The following GRIK4 variants were observed in gnomAD, a reference collection of about 807,000 sequenced individuals.
The protein encoded by GRIK4 is glutamate receptor ionotropic, kainate 4.
Under a neutral mutation model 104.9 loss-of-function variants are expected in GRIK4, and 40 were observed. The ratio of observed to expected loss-of-function variants is 0.38; its 90% CI spans 0.30 to 0.50. The LOEUF is 0.50. GRIK4 is among the 20% of genes least tolerant of loss of function. The pLI is 0.93. For missense variants in GRIK4, 1,047 were observed against 1,308.1 expected, an observed-to-expected ratio of 0.80 and a Z score of 3.08; for synonymous variants, 485 against 524.9, an observed-to-expected ratio of 0.92 and a Z score of 1.04.
At chr11:120,675,624 G>T (rs941430771) in intron 3 of GRIK4, among the ~76,000 whole-genome samples, 1 of 152,118 alleles carries the variant, frequency 6.6e-6, no homozygotes, top group Admixed American at 6.5e-5. Flanking sequence ...GCATCATAGG[G>T]TAGTGAGACA....
At chr11:120,823,464 C>G (rs565749280) in intron 6 of GRIK4, among the ~76,000 whole-genome samples, 1 of 152,222 alleles carries the variant, frequency 6.6e-6, no homozygotes, top group South Asian at 2.1e-4. Context: ...CCCTCCTCCC[C>G]GGTCATTCCA....
At chr11:120,873,944 C>G (rs1954687722) in intron 9 of GRIK4, 122 bp from the exon 10 acceptor site, 1 of 891,992 alleles carries the variant, frequency 1.1e-6, no homozygotes. Flanking sequence ...AAGATGCACT[C>G]TTATTTCCCT....
chr11:120,885,145 T>G (rs1955081328), intron 11 of GRIK4, among the ~76,000 whole-genome samples: 1 of 152,274 alleles, frequency 6.6e-6, no homozygotes, highest in Non-Finnish European at 1.5e-5. Flanking sequence ...CCAGCATGCC[T>G]GAGCTCTCTG....
In GRIK4 at chr11:120,986,317, C is replaced by CGGGAGGGGAG; in HGVS notation, c.*60_*61insAGGGGAGGGG. On this transcript the variant is annotated 3_prime_UTR_variant, in exon 21 of 21. Transcript: ENST00000527524. ...GCGGGGCGGGAGGGGAGGGGCGGGG[C>CGGGAGGGGAG]GGGCGCTGCTGTCAGCCGCCAGCCG... 8.7e-7 allele frequency: 1 copy of CGGGAGGGGAG among 1,143,120 alleles called. No individual in the cohort carries two copies. Among genetic ancestry groups the CGGGAGGGGAG allele is most frequent in the African/African-American group, 1.7e-5 (1 of 60,084 alleles). 70.8% of individuals were successfully genotyped at this position (1,143,120 alleles called of 1,614,324 possible).
At chr11:120,516,818 C>T (rs943223668) in intron 1 of GRIK4, among the ~76,000 whole-genome samples, 4 of 152,080 alleles carry the variant, frequency 2.6e-5, no homozygotes, top group South Asian at 2.1e-4. Context: ...GTAGGGAAGC[C>T]GGAGGGGGAA....
intron 3 of GRIK4, among the ~76,000 whole-genome samples, chr11:120,742,000 G>A (rs745884078): frequency 1.3e-5 from 2 of 152,108 alleles, no homozygotes; most frequent in African/African-American, 2.4e-5. Flanking sequence ...TTTGGAGACT[G>A]GGCTCACATC....
intron 1 of GRIK4, among the ~76,000 whole-genome samples, chr11:120,626,223 C>T (rs1171552526): frequency 1.3e-5 from 2 of 152,146 alleles, no homozygotes; most frequent in Admixed American, 1.3e-4. Context: ...GTCAGCAGCC[C>T]AGGGGAGGGG....
chr11:120,833,920 A>C (rs1190346364), intron 7 of GRIK4, among the ~76,000 whole-genome samples: 1 of 152,236 alleles, frequency 6.6e-6, no homozygotes, highest in Non-Finnish European at 1.5e-5. Flanking sequence ...GAAATATTTT[A>C]ATGGCTGCCT....
In GRIK4 at chr11:120,549,902, C is replaced by A. The variant is rs74418293; in HGVS notation, c.-159+38015C>A. On this transcript the variant is annotated intron_variant, in intron 1 of 20. Transcript: ENST00000527524. This position sits in a 1 kb window ranked among gnomAD's most constrained non-coding sequence, Gnocchi z 4.7. Reference sequence around the variant, plus strand: ...AGATGTGAACCTGCGAGGTAGACGGCAGCCTCAGCCATTTTGCTATCAATA... The same window carrying A: ...AGATGTGAACCTGCGAGGTAGACGGAAGCCTCAGCCATTTTGCTATCAATA... 0.012 allele frequency among the ~76,000 whole-genome samples: 1,795 copies of A among 152,326 alleles called. 30 individuals carry two copies. Among genetic ancestry groups the A allele is most frequent in the East Asian group, 0.067 (348 of 5,176 alleles).
intron 6 of GRIK4, among the ~76,000 whole-genome samples, chr11:120,828,548 G>T (rs1345589247): frequency 6.6e-6 from 1 of 152,148 alleles, no homozygotes; most frequent in Non-Finnish European, 1.5e-5. Flanking sequence ...CCACAGAAAA[G>T]GAAACTGAGG....
intron 13 of GRIK4, among the ~76,000 whole-genome samples, chr11:120,921,708 A>G (rs9666074): frequency 0.028 from 4,280 of 152,172 alleles, 226 homozygotes; most frequent in African/African-American, 0.097. Context: ...GAGAAAGAAG[A>G]ATTTAAGCAT....
intron 1 of GRIK4, among the ~76,000 whole-genome samples, chr11:120,636,637 C>T (rs1379607086): frequency 8.6e-5 from 13 of 152,044 alleles, no homozygotes; most frequent in Admixed American, 6.6e-4. Context: ...ATCAGGAGGT[C>T]GAGACCATCC....
intron 1 of GRIK4, among the ~76,000 whole-genome samples, chr11:120,592,725 C>T (rs2135115310): frequency 6.6e-6 from 1 of 152,224 alleles, no homozygotes; most frequent in South Asian, 2.1e-4. Flanking sequence ...CCCTTTACAC[C>T]CTGAACTCTG....
chr11:120,841,054 CAT>C (rs1286491832), intron 8 of GRIK4, among the ~76,000 whole-genome samples: 2 of 152,128 alleles, frequency 1.3e-5, no homozygotes, highest in Non-Finnish European at 2.9e-5. Flanking sequence ...CATGTTGTAG[CAT>C]GTGTCAGAAA....
intron 1 of GRIK4, among the ~76,000 whole-genome samples, chr11:120,593,282 A>G (rs993386737): frequency 6.6e-6 from 1 of 151,402 alleles, no homozygotes; most frequent in Non-Finnish European, 1.5e-5. Context: ...GTGGGCATAC[A>G]CTGCCTCCAC....
At chr11:120,834,554 C>T (rs971090337) in intron 7 of GRIK4, among the ~76,000 whole-genome samples, 2 of 152,160 alleles carry the variant, frequency 1.3e-5, no homozygotes, top group Non-Finnish European at 2.9e-5. Context: ...CCTGGGGCTC[C>T]GTACTCTTCC....
intron 13 of GRIK4, among the ~76,000 whole-genome samples, chr11:120,911,340 G>A (rs1336961086): frequency 6.7e-6 from 1 of 149,256 alleles, no homozygotes; most frequent in Non-Finnish European, 1.5e-5. Flanking sequence ...CCGGGTTCAC[G>A]CCATTCTCCT....
intron 3 of GRIK4, among the ~76,000 whole-genome samples, chr11:120,795,428 G>A (rs565192400): frequency 1.2e-4 from 18 of 152,292 alleles, no homozygotes; most frequent in South Asian, 6.2e-4. Context: ...GCTGCTGTCC[G>A]TCCACTCATC....
intron 3 of GRIK4, among the ~76,000 whole-genome samples, chr11:120,733,319 A>T (rs889804824): frequency 1.3e-5 from 2 of 152,068 alleles, no homozygotes; most frequent in Non-Finnish European, 2.9e-5. Context: ...TTTATATTCA[A>T]TGTTATTATT....
Sources: allele counts gnomAD v4.1 joint callset (sites outside exome capture counted in the v4.1 genomes callset), GRCh38; gene constraint gnomAD v4.1.1; non-coding constraint Gnocchi (gnomAD v3.1); transcripts MANE v1.5; gene names NCBI Gene and HGNC (gene_info 2026-07-23, HGNC 2026-07-21).